The following CDK13 variants were observed in gnomAD, a reference collection of about 807,000 sequenced individuals.
The protein encoded by CDK13 is cyclin dependent kinase 13, also known as cyclin-dependent kinase 13.
In CDK13, 40 loss-of-function variants were observed where a neutral mutation model predicts 137.6. The observed-to-expected ratio is 0.29, with a 90% CI of 0.23 to 0.38. The LOEUF is 0.38. Among genes scored for constraint, CDK13 ranks in the 10% least tolerant of loss-of-function variants. The pLI is 1.00. For missense variants in CDK13, 1,704 were observed against 1,951.8 expected, an observed-to-expected ratio of 0.87 and a Z score of 2.39; for synonymous variants, 869 against 760.1, an observed-to-expected ratio of 1.14 and a Z score of -2.36.
intron 12 of CDK13, among the ~76,000 whole-genome samples, chr7:40,089,739 T>A (rs1367235326): frequency 2.6e-4 from 33 of 129,236 alleles, no homozygotes; most frequent in African/African-American, 7.6e-4. Flanking sequence ...TGTGTGTGTG[T>A]GTGTGTGTGT....
Position 39,950,675 on chromosome 7 carries a change from G to T in CDK13, c.34G>T (p.Gly12Cys). The change falls in exon 1 of 14, where the codon GGC (glycine) becomes TGC (cysteine). Residue 12 changes from glycine (G) to cysteine (C), a missense_variant. Physicochemically the swap from Gly to Cys is radical, Grantham distance 159. Around this residue, in one of 5 missense-constraint regions of CDK13, gnomAD observed 1,051 missense variants for 931.0 expected, o/e 1.13. Coordinates refer to ENST00000181839, the MANE Select transcript of CDK13 (RefSeq NM_003718.5). ...PSSSDTALGG[G>C]GGLSWAEKKL... Reference sequence around the variant, plus strand: ...CAGCTCGGACACGGCGCTGGGGGGAGGCGGGGGCCTGAGCTGGGCGGAGAA... The same window carrying T: ...CAGCTCGGACACGGCGCTGGGGGGATGCGGGGGCCTGAGCTGGGCGGAGAA... 7.2e-7 allele frequency: 1 copy of T among 1,391,968 alleles called. No homozygotes were observed. The allele number at this position is 1,391,968 out of a possible 1,614,324, so 86.2% of individuals were successfully genotyped here.
intron 5 of CDK13, among the ~76,000 whole-genome samples, chr7:40,029,003 A>G (rs534637829): frequency 4.2e-4 from 64 of 152,000 alleles, no homozygotes; most frequent in Non-Finnish European, 7.5e-4. Context: ...CTTGAACATC[A>G]TGGGTTTGAG....
At chr7:40,083,281 G>A (rs1277653523) in intron 11 of CDK13, among the ~76,000 whole-genome samples, 1 of 149,376 alleles carries the variant, frequency 6.7e-6, no homozygotes, top group Admixed American at 6.7e-5. Context: ...GACCTACCTG[G>A]GTAACATAAG....
In CDK13 at chr7:40,014,058, C is replaced by CTTTTTTTTTTTTTTTT. The variant is rs927741062; in HGVS notation, c.2353+12039_2353+12054dup. ...TGATAGGCAAAAAATGCTGTCTTGT[C>CTTTTTTTTTTTTTTTT]TTTTTTTTTTTTTTTTTTTTTTTTT... On this transcript the variant is annotated intron_variant, in intron 5 of 13. Transcript: ENST00000181839. 4.9e-5 allele frequency among the ~76,000 whole-genome samples: 3 copies of CTTTTTTTTTTTTTTTT among 60,936 alleles called. 1 individual carries two copies. The highest frequency in any genetic ancestry group is 7.5e-5 in the African/African-American group (1 of 13,384). The allele number at this position is 60,936 out of a possible 152,430, so 40.0% of individuals were successfully genotyped here. A position where few individuals can be genotyped will look rare whatever the true frequency, so the allele number is the denominator to read the frequency against.
chr7:39,988,748 C>T (rs1583952431), intron 2 of CDK13, among the ~76,000 whole-genome samples: 1 of 151,932 alleles, frequency 6.6e-6, no homozygotes, highest in East Asian at 1.9e-4. Flanking sequence ...ATTTTTTTAG[C>T]CTGTCTTGCA....
chr7:40,093,263 A>G (rs1415777695), intron 13 of CDK13, 26 bp downstream of exon 13: 2 of 1,538,698 alleles, frequency 1.3e-6, no homozygotes, highest in Admixed American at 1.7e-5. Flanking sequence ...CCAGACCACT[A>G]ACACAGCTGC....
chr7:40,000,635 A>G lies in CDK13; in HGVS notation c.2182+1135A>G, dbSNP rs17496373. 2.0e-3 allele frequency among the ~76,000 whole-genome samples: 311 copies of G among 152,382 alleles called. 3 individuals carry two copies. The highest frequency in any genetic ancestry group is 7.0e-3 in the African/African-American group (292 of 41,598). On this transcript the variant is annotated intron_variant, in intron 4 of 13. Coordinates refer to ENST00000181839, the MANE Select transcript of CDK13 (RefSeq NM_003718.5). Reference sequence around the variant, plus strand: ...TTACGGTTAGAAACTACTGAGGGCAATTACTGCATAGAGTAATAATTGGTG... The same window carrying G: ...TTACGGTTAGAAACTACTGAGGGCAGTTACTGCATAGAGTAATAATTGGTG...
chr7:40,099,422 G>T lies in CDK13; in HGVS notation c.*4442G>T, dbSNP rs3847019. ...AATCACTCTTCTAAGTTTTTTCCCA[G>T]TTAATTTGTTTAAAAGTGTTGTACT... On this transcript the variant is annotated 3_prime_UTR_variant, in exon 14 of 14. Transcript: ENST00000181839. 0.15 allele frequency: 22,956 copies of T among 152,058 alleles called. 2,410 individuals are homozygous for T. The highest frequency in any genetic ancestry group is 0.33 in the East Asian group (1,705 of 5,178). The allele number at this position is 152,058 out of a possible 1,614,324, so 9.4% of individuals were successfully genotyped here. A position where few individuals can be genotyped will look rare whatever the true frequency, so the allele number is the denominator to read the frequency against.
intron 5 of CDK13, among the ~76,000 whole-genome samples, chr7:40,017,737 C>CT (rs1213511436): frequency 6.0e-5 from 9 of 150,576 alleles, no homozygotes; most frequent in Admixed American, 6.6e-5. Flanking sequence ...TGTTTGGTGG[C>CT]TTTTTTTTAA....
At chr7:39,965,215 A>AT (rs1346015537) in intron 1 of CDK13, among the ~76,000 whole-genome samples, 1 of 152,098 alleles carries the variant, frequency 6.6e-6, no homozygotes, top group East Asian at 1.9e-4. Context: ...TCTAATGTTG[A>AT]CAGTGGGGTG....
At chr7:40,027,773 A>G (rs1349226034) in intron 5 of CDK13, among the ~76,000 whole-genome samples, 5 of 145,004 alleles carry the variant, frequency 3.4e-5, no homozygotes, top group Non-Finnish European at 7.4e-5. Context: ...TTGGAGCCTT[A>G]CAGTTCTCTT....
At chr7:40,076,886 TGCA>T (rs1786556509) in intron 9 of CDK13, among the ~76,000 whole-genome samples, 1 of 152,186 alleles carries the variant, frequency 6.6e-6, no homozygotes, top group East Asian at 1.9e-4. Context: ...TTTTTACATA[TGCA>T]GACCAGCTGA....
At chr7:40,000,036 C>G (rs930879653) in intron 4 of CDK13, among the ~76,000 whole-genome samples, 1 of 151,918 alleles carries the variant, frequency 6.6e-6, no homozygotes, top group Non-Finnish European at 1.5e-5. Flanking sequence ...CTTAATAATG[C>G]ATAGAGCTAG....
At chr7:40,023,785 C>G (rs565776949) in intron 5 of CDK13, among the ~76,000 whole-genome samples, 4 of 152,266 alleles carry the variant, frequency 2.6e-5, no homozygotes, top group African/African-American at 7.2e-5. Context: ...ACGCCCGGCC[C>G]TGGATTGATC....
chr7:40,045,852 G>A lies in CDK13; in HGVS notation c.2370G>A (p.Val790=), dbSNP rs745579249. 1.2e-6 allele frequency: 2 copies of A among 1,608,400 alleles called. No individual in the cohort carries two copies. The highest frequency in any genetic ancestry group is 1.1e-5 in the South Asian group (1 of 90,334). ...FKKDKGAFYL[V]FEYMDHDLMG... is the part of the protein sequence containing the mutation. Reference sequence around the variant, plus strand: ...CATTCTTAGGTGCATTTTATCTGGTGTTTGAATATATGGACCATGATCTGA... The same window carrying A: ...CATTCTTAGGTGCATTTTATCTGGTATTTGAATATATGGACCATGATCTGA... Residue 790 remains valine, a synonymous_variant, in exon 6 of 14, where the codon GTG becomes GTA. Transcript: ENST00000181839.
chr7:40,074,201 A>T (rs1786488589), intron 9 of CDK13, among the ~76,000 whole-genome samples: 1 of 151,582 alleles, frequency 6.6e-6, no homozygotes, highest in South Asian at 2.1e-4. Context: ...TGCCTGGCCA[A>T]GCTTTTCTAA....
At position 40,092,853 on chromosome 7, in the gene CDK13, A is replaced by G. The variant is rs778178989; in HGVS notation, c.3304A>G (p.Lys1102Glu). Residue 1102 changes from lysine (K) to glutamate (E), a missense_variant, in exon 13 of 14, where the codon AAA (lysine) becomes GAA (glutamate). Lys to Glu is a moderately conservative substitution (Grantham distance 56, BLOSUM62 1). Coordinates refer to ENST00000181839, the MANE Select transcript of CDK13 (RefSeq NM_003718.5). ...LAILLNLLQS[K>E]TSVNMADFVQ... ...AATTCTACTAAACCTACTACAATCT[A>G]AAACAAGTGTTAATATGGCTGATTT... 47 of 1,614,080 alleles carry G rather than the reference A, an allele frequency of 2.9e-5. No individual in the cohort carries two copies. The highest frequency in any genetic ancestry group is 5.3e-5 in the African/African-American group (4 of 74,914).
At position 40,096,111 on chromosome 7, in the gene CDK13, A is replaced by G. The variant is rs1418225438; in HGVS notation, c.*1131A>G. On this transcript the variant is annotated 3_prime_UTR_variant, in exon 14 of 14. Transcript: ENST00000181839. ...AGAGTTAATAACAGAACTTGCCTAAATGTGTTAAAGTTCATGGGGGAGGGG... is the reference window on the plus strand; with the variant it reads ...AGAGTTAATAACAGAACTTGCCTAAGTGTGTTAAAGTTCATGGGGGAGGGG... 2.0e-5 allele frequency: 3 copies of G among 152,150 alleles called. No homozygotes were observed. Among genetic ancestry groups the G allele is most frequent in the Non-Finnish European group, 4.4e-5 (3 of 68,028 alleles). 9.4% of individuals were successfully genotyped at this position (152,150 alleles called of 1,614,324 possible). A position where few individuals can be genotyped will look rare whatever the true frequency, so the allele number is the denominator to read the frequency against.
Position 39,977,567 on chromosome 7 carries a change from G to A in CDK13, c.1212-10032G>A, listed in dbSNP as rs372766479. On this transcript the variant is annotated intron_variant, in intron 1 of 13. Coordinates refer to ENST00000181839, the MANE Select transcript of CDK13 (RefSeq NM_003718.5). ...GGTGGTAAACACTGTGCTGAGATAC[G>A]AAGTATCCTTTTGTTTCCTACATAA... is the stretch of plus-strand genomic sequence containing the variant. Among the ~76,000 whole-genome samples the A allele has an allele frequency of 5.3e-5, 8 of 152,186 alleles. No homozygotes were observed. In the South Asian group the frequency reaches 1.0e-3, roughly 20 times the overall value.
Sources: allele counts gnomAD v4.1 joint callset (sites outside exome capture counted in the v4.1 genomes callset), GRCh38; gene constraint gnomAD v4.1.1; regional missense constraint gnomAD v4.1.1; transcripts MANE v1.5; gene names NCBI Gene and HGNC (gene_info 2026-07-23, HGNC 2026-07-21).